Variants in CNTN1 observed in about 807,000 individuals in gnomAD.
CNTN1 encodes contactin-1.
A neutral mutation model predicts 126.4 loss-of-function variants in CNTN1; 38 were observed. The ratio of observed to expected loss-of-function variants is 0.30; its 90% CI spans 0.23 to 0.39. The LOEUF (loss-of-function observed/expected upper bound fraction) is 0.39. Ranked by LOEUF, CNTN1 falls within the 10% of genes least tolerant of loss-of-function variation. The pLI is 1.00. For missense variants in CNTN1, 1,009 were observed against 1,248.4 expected, an observed-to-expected ratio of 0.81 and a Z score of 2.89; for synonymous variants, 413 against 422.6, an observed-to-expected ratio of 0.98 and a Z score of 0.28.
chr12:40,887,044 A>G (rs1944061418), intron 1 of CNTN1, among the ~76,000 whole-genome samples: 1 of 152,094 alleles, frequency 6.6e-6, no homozygotes, highest in African/African-American at 2.4e-5. Flanking sequence ...TTGACTTGGC[A>G]ATGCAGGCTC....
chr12:40,894,611 G>T (rs1944344904), intron 1 of CNTN1, among the ~76,000 whole-genome samples: 1 of 152,024 alleles, frequency 6.6e-6, no homozygotes, highest in Non-Finnish European at 1.5e-5. Flanking sequence ...GTATTCTCAA[G>T]ACATCTAGAG....
chr12:40,978,008 G>A (rs1473019350), intron 15 of CNTN1, among the ~76,000 whole-genome samples: 1 of 151,852 alleles, frequency 6.6e-6, no homozygotes, highest in Non-Finnish European at 1.5e-5. Flanking sequence ...TCACTATGTT[G>A]GCCAGGCTGT....
intron 17 of CNTN1, among the ~76,000 whole-genome samples, chr12:41,002,658 C>T (rs192728613): frequency 2.7e-3 from 407 of 149,234 alleles, no homozygotes; most frequent in Non-Finnish European, 4.7e-3. Flanking sequence ...CCCGGTTTAA[C>T]GCCATTCTCC....
chr12:40,830,962 T>TATACAC lies in CNTN1; in HGVS notation c.-76-77394_-76-77393insTACACA, dbSNP rs1405165659. 4.2e-4 allele frequency among the ~76,000 whole-genome samples: 54 copies of TATACAC among 128,788 alleles called. No homozygotes were observed. In the South Asian group the frequency reaches 5.0e-3, roughly 12 times the overall value. 84.5% of individuals were successfully genotyped at this position (128,788 alleles called of 152,430 possible). On this transcript the variant is annotated intron_variant, in intron 1 of 23. Coordinates refer to ENST00000551295, the MANE Select transcript of CNTN1 (RefSeq NM_001843.4). ...ATATATATATATATATATATATATA[T>TATACAC]ACACACACACACACACACTATATAT... is the stretch of plus-strand genomic sequence containing the variant.
intron 15 of CNTN1, chr12:40,971,480 C>T (rs756542910): frequency 1.3e-6 from 2 of 1,597,040 alleles, no homozygotes; most frequent in African/African-American, 1.3e-5. Context: ...ATTCCTTTCT[C>T]CCCGTCTGTG....
intron 1 of CNTN1, among the ~76,000 whole-genome samples, chr12:40,735,839 C>T (rs535580830): frequency 6.6e-6 from 1 of 152,142 alleles, no homozygotes; most frequent in Admixed American, 6.6e-5. Flanking sequence ...CTACAGTCCT[C>T]GGTTTGAGTC....
chr12:40,802,517 C>T (rs370889130), intron 1 of CNTN1, among the ~76,000 whole-genome samples: 2 of 151,956 alleles, frequency 1.3e-5, no homozygotes, highest in East Asian at 1.9e-4. Flanking sequence ...GGAATTTAAT[C>T]GTGCCAGTGC....
intron 23 of CNTN1, chr12:41,061,947 A>G: frequency 3.8e-6 from 1 of 266,008 alleles, no homozygotes; most frequent in Non-Finnish European, 7.6e-6. Context: ...TGCTATCTCA[A>G]GTAGGCAAAG....
intron 1 of CNTN1, among the ~76,000 whole-genome samples, chr12:40,717,947 T>C (rs1422542427): frequency 6.6e-6 from 1 of 152,228 alleles, no homozygotes; most frequent in Non-Finnish European, 1.5e-5. Flanking sequence ...ATTTTGTCTT[T>C]AAAGAAGAAA....
intron 1 of CNTN1, among the ~76,000 whole-genome samples, chr12:40,855,198 A>C (rs998015010): frequency 1.3e-5 from 2 of 152,154 alleles, no homozygotes; most frequent in African/African-American, 4.8e-5. Context: ...ACACTCCCAA[A>C]ATAATTTTGT....
intron 14 of CNTN1, among the ~76,000 whole-genome samples, chr12:40,954,459 A>G (rs1315308707): frequency 6.6e-6 from 1 of 152,076 alleles, no homozygotes; most frequent in Non-Finnish European, 1.5e-5. Context: ...TTCTCTATAT[A>G]TGAATCTTAT....
intron 1 of CNTN1, among the ~76,000 whole-genome samples, chr12:40,693,108 CT>C (rs1437626576): frequency 6.6e-6 from 1 of 152,190 alleles, no homozygotes; most frequent in Non-Finnish European, 1.5e-5. Context: ...TGTTTGTCCC[CT>C]GACCCCTCTG....
chr12:40,910,969 A>T (rs1945003502), intron 3 of CNTN1, among the ~76,000 whole-genome samples: 2 of 152,216 alleles, frequency 1.3e-5, no homozygotes, highest in African/African-American at 4.8e-5. Flanking sequence ...CACGCTGTTG[A>T]TAAAGACATA....
chr12:40,878,532 A>C (rs1331160748), intron 1 of CNTN1, among the ~76,000 whole-genome samples: 1 of 152,226 alleles, frequency 6.6e-6, no homozygotes, highest in Non-Finnish European at 1.5e-5. Flanking sequence ...TCCAGAACTC[A>C]CATGAGGAAA....
chr12:40,740,465 A>T (rs891302079), intron 1 of CNTN1, among the ~76,000 whole-genome samples: 1 of 152,124 alleles, frequency 6.6e-6, no homozygotes, highest in African/African-American at 2.4e-5. Flanking sequence ...ATTGATCATA[A>T]ACACAAAATG....
intron 17 of CNTN1, among the ~76,000 whole-genome samples, chr12:40,998,209 A>G (rs1948269761): frequency 6.6e-6 from 1 of 152,136 alleles, no homozygotes; most frequent in African/African-American, 2.4e-5. Flanking sequence ...ATACTGATGA[A>G]AGAAGAAAGC....
intron 20 of CNTN1, among the ~76,000 whole-genome samples, chr12:41,024,059 G>GAAAAGGGAAGCATTCATCC: frequency 6.6e-6 from 1 of 152,246 alleles, no homozygotes; most frequent in South Asian, 2.1e-4. Context: ...TGCTTGGGAT[G>GAAAAGGGAAGCATTCATCC]AAAAGGGAAG....
chr12:41,023,164 G>T (rs1415140876), intron 20 of CNTN1, among the ~76,000 whole-genome samples: 1 of 152,018 alleles, frequency 6.6e-6, no homozygotes, highest in African/African-American at 2.4e-5. Flanking sequence ...ATGTACGATG[G>T]ATCTCTATTT....
intron 1 of CNTN1, among the ~76,000 whole-genome samples, chr12:40,850,539 T>C (rs985633761): frequency 6.6e-6 from 1 of 151,998 alleles, no homozygotes; most frequent in African/African-American, 2.4e-5. Context: ...TATCATTCTT[T>C]GCATTAAAAA....
Sources: gnomAD v4.1 joint callset for allele counts (sites outside exome capture counted in the v4.1 genomes callset) on GRCh38, gnomAD v4.1.1 for gene constraint, MANE v1.5 for transcripts, NCBI Gene and HGNC (gene_info 2026-07-23, HGNC 2026-07-21) for gene names.